WDR27: variants seen among roughly 807,000 people sequenced by gnomAD.
WDR27 encodes WD repeat-containing protein 27.
In WDR27, 100 loss-of-function variants were observed where a neutral mutation model predicts 114.4. The ratio of observed to expected loss-of-function variants is 0.87; its 90% confidence interval spans 0.74 to 1.03. WDR27 has a LOEUF of 1.03. WDR27 is among the 50% of genes least tolerant of loss of function. The pLI is 0.00. For synonymous variants in WDR27, 449 were observed against 423.1 expected (o/e 1.06, Z -0.75); for missense variants, 1,129 against 1,092.9 (o/e 1.03, Z -0.47).
At chr6:169,575,860 G>C (rs1297744829) in intron 24 of WDR27, among the ~76,000 whole-genome samples, 2 of 152,146 alleles carry the variant, frequency 1.3e-5, no homozygotes, top group East Asian at 3.8e-4. Context: ...ACTTTAAAAA[G>C]GAAGGATGAA....
At chr6:169,656,704 C>T (rs553454112) in intron 13 of WDR27, among the ~76,000 whole-genome samples, 29 of 152,106 alleles carry the variant, frequency 1.9e-4, no homozygotes, top group Admixed American at 9.2e-4. Context: ...CTCCCAGCTC[C>T]GACAGCTCCC....
chr6:169,631,315 C>A (rs545438575), intron 21 of WDR27, among the ~76,000 whole-genome samples: 15 of 152,198 alleles, frequency 9.9e-5, no homozygotes, highest in South Asian at 2.1e-4. Flanking sequence ...GAAAAATAAT[C>A]TTTTCTCCAA....
the WDR27 span, among the ~76,000 whole-genome samples, chr6:169,450,569 C>T: frequency 5.1e-4 from 77 of 152,178 alleles, no homozygotes; most frequent in Non-Finnish European, 1.6e-4. Flanking sequence ...ATACATGGCA[C>T]GTGCTCAGGG....
intron 25 of WDR27, among the ~76,000 whole-genome samples, chr6:169,472,912 C>T (rs1358070582): frequency 1.3e-5 from 2 of 152,158 alleles, no homozygotes; most frequent in Non-Finnish European, 2.9e-5. Context: ...TTAAGCCACA[C>T]ACATTCTAGA....
chr6:169,488,909 A>C (rs1385673876), intron 25 of WDR27, among the ~76,000 whole-genome samples: 1 of 150,590 alleles, frequency 6.6e-6, no homozygotes, highest in East Asian at 1.9e-4. Flanking sequence ...AACTCACTCC[A>C]GTGTGGGTGG....
intron 25 of WDR27, among the ~76,000 whole-genome samples, chr6:169,511,557 A>G (rs1438086000): frequency 6.6e-6 from 1 of 152,004 alleles, no homozygotes; most frequent in East Asian, 1.9e-4. Flanking sequence ...CTCAGTTTTT[A>G]TTAGTATATT....
intron 25 of WDR27, among the ~76,000 whole-genome samples, chr6:169,467,529 G>C (rs1785749614): frequency 6.6e-6 from 1 of 152,236 alleles, no homozygotes; most frequent in Admixed American, 6.5e-5. Flanking sequence ...CCATGTGTAA[G>C]CTGCCAAGGC....
chr6:169,492,279 C>T (rs929409936), intron 25 of WDR27, among the ~76,000 whole-genome samples: 2 of 147,640 alleles, frequency 1.4e-5, no homozygotes, highest in East Asian at 2.0e-4. Flanking sequence ...GAAGAAGTAA[C>T]TCAATGAAAT....
At chr6:169,529,046 T>C (rs545791056) in intron 25 of WDR27, among the ~76,000 whole-genome samples, 11 of 152,116 alleles carry the variant, frequency 7.2e-5, no homozygotes, top group Non-Finnish European at 1.5e-4. Context: ...TATCATAGCG[T>C]TGTTTATATT....
intron 25 of WDR27, among the ~76,000 whole-genome samples, chr6:169,460,255 G>A (rs947530284): frequency 6.6e-6 from 1 of 152,110 alleles, no homozygotes. Flanking sequence ...ATGTTTTGGA[G>A]AACAAAATAT....
At chr6:169,639,318 C>T (rs1277057596) in intron 17 of WDR27, among the ~76,000 whole-genome samples, 1 of 152,054 alleles carries the variant, frequency 6.6e-6, no homozygotes, top group Non-Finnish European at 1.5e-5. Context: ...ATTTCTTAAA[C>T]TAAGAAGTTC....
At chr6:169,611,306 CT>C (rs56812983) in intron 22 of WDR27, among the ~76,000 whole-genome samples, 42 of 132,210 alleles carry the variant, frequency 3.2e-4, no homozygotes, top group South Asian at 3.1e-3. Context: ...TTTTTACTTA[CT>C]TTTTTTTTTT....
In WDR27 at chr6:169,668,168, T is replaced by A. The variant is rs752503098; in HGVS notation, c.474A>T (p.Thr158=). 1 of 1,614,000 alleles carries A rather than the reference T, an allele frequency of 6.2e-7. No individual in the cohort carries two copies. Among genetic ancestry groups the A allele is most frequent in the Non-Finnish European group, 8.5e-7 (1 of 1,179,884 alleles). ...MLDIEQRFSV[T]YIERPDVNNR... is the part of the protein sequence containing the mutation. ...TATTAACATCAGGACGTTCTATGTA[T>A]GTCACAGAAAATCGCTGCTATTAAA... The change falls in exon 5 of 26, where the codon ACA becomes ACT. Residue 158 remains threonine, a synonymous_variant. Transcript: ENST00000448612.
chr6:169,524,147 A>T (rs1794701697), intron 25 of WDR27, among the ~76,000 whole-genome samples: 1 of 152,170 alleles, frequency 6.6e-6, no homozygotes, highest in South Asian at 2.1e-4. Context: ...AACAGCAAAC[A>T]ATCTTAAAAA....
chr6:169,638,341 A>G (rs200046484), intron 18 of WDR27, among the ~76,000 whole-genome samples, 198 bp downstream of exon 18: 1 of 64,584 alleles, frequency 1.5e-5, no homozygotes, highest in Non-Finnish European at 2.7e-5. Context: ...AAAAAAAAAA[A>G]AAAAAAAAAA....
At chr6:169,460,506 C>G (rs1784780885) in intron 25 of WDR27, among the ~76,000 whole-genome samples, 1 of 151,926 alleles carries the variant, frequency 6.6e-6, no homozygotes, top group Non-Finnish European at 1.5e-5. Context: ...GAAGAGAAGG[C>G]AGTAATGCAG....
intron 13 of WDR27, among the ~76,000 whole-genome samples, chr6:169,656,442 T>C (rs915208630): frequency 6.6e-6 from 1 of 152,140 alleles, no homozygotes; most frequent in Non-Finnish European, 1.5e-5. Context: ...ATCTGACTTC[T>C]GCTGCTGTCA....
In WDR27 at chr6:169,638,660, C is replaced by T. The variant is rs1818336904; in HGVS notation, c.1748G>A (p.Gly583Asp). 3 of 1,600,900 alleles carry T rather than the reference C, an allele frequency of 1.9e-6. No homozygotes were observed. Among genetic ancestry groups the T allele is most frequent in the Non-Finnish European group, 2.6e-6 (3 of 1,173,740 alleles). ...CACGGCATTCACTGCCCCGTCGTGA[C>T]CTAACAGGAATGACCACAGAAGGTT... ...SLTGTPAVFSGHDGAVNAVCW... is the reference protein window; with the variant it reads ...SLTGTPAVFSDHDGAVNAVCW... The change falls in exon 18 of 26, where the codon GGT (glycine) becomes GAT (aspartate). Residue 583 changes from glycine (G) to aspartate (D), a missense_variant and splice_region_variant. Physicochemically the swap from Gly to Asp is moderately conservative, Grantham distance 94. Coordinates refer to ENST00000448612, the MANE Select transcript of WDR27 (RefSeq NM_182552.5).
At chr6:169,441,752 T>C in the WDR27 span, among the ~76,000 whole-genome samples, 2 of 152,240 alleles carry the variant, frequency 1.3e-5, no homozygotes, top group Non-Finnish European at 2.9e-5. Flanking sequence ...CATTTTTCTT[T>C]CTAAGAAGAC....
Sources: gnomAD v4.1 joint callset for allele counts (sites outside exome capture counted in the v4.1 genomes callset) on GRCh38, gnomAD v4.1.1 for gene constraint, MANE v1.5 for transcripts, NCBI Gene and HGNC (gene_info 2026-07-23, HGNC 2026-07-21) for gene names.